RANBP2: variants seen among roughly 807,000 people sequenced by gnomAD.
The protein encoded by RANBP2 is RAN binding protein 2.
In RANBP2, 57 loss-of-function variants were observed where a neutral mutation model predicts 303.6. The ratio of observed to expected loss-of-function variants is 0.19; its 90% CI spans 0.15 to 0.23. The LOEUF (loss-of-function observed/expected upper bound fraction) is 0.23. Among genes scored for constraint, RANBP2 ranks in the 10% least tolerant of loss-of-function variants. The pLI is 1.00. For missense variants in RANBP2, 3,138 were observed against 3,780.8 expected, an observed-to-expected ratio of 0.83 and a Z score of 4.46; for synonymous variants, 1,167 against 1,301.5, an observed-to-expected ratio of 0.90 and a Z score of 2.23.
At chr2:108,994,684 G>A in the RANBP2 span, among the ~76,000 whole-genome samples, 4 of 151,928 alleles carry the variant, frequency 2.6e-5, no homozygotes, top group South Asian at 8.3e-4. Context: ...TGGCTCCGGG[G>A]AAAGGGGATT....
chr2:109,450,721 G>A, the RANBP2 span, among the ~76,000 whole-genome samples: 1 of 152,090 alleles, frequency 6.6e-6, no homozygotes, highest in South Asian at 2.1e-4. Flanking sequence ...AATTCTCCAG[G>A]GCTCAGGGCC....
chr2:108,973,811 C>A, the RANBP2 span, among the ~76,000 whole-genome samples: 1 of 152,222 alleles, frequency 6.6e-6, no homozygotes, highest in Non-Finnish European at 1.5e-5. Flanking sequence ...GGCCCTTCAA[C>A]TTTTGAATGC....
At chr2:108,911,186 AC>A in the RANBP2 span, 1 of 1,328,488 alleles carries the variant, frequency 7.5e-7, no homozygotes, top group Non-Finnish European at 1.1e-6. Context: ...CTTTCAGGGA[AC>A]CCTGAAATCT....
At chr2:109,064,478 C>CAA in the RANBP2 span, among the ~76,000 whole-genome samples, 1 of 83,726 alleles carries the variant, frequency 1.2e-5, no homozygotes, top group African/African-American at 4.1e-5. Flanking sequence ...AAAACAAAAA[C>CAA]AAACTGGTAA....
At chr2:109,300,571 G>A in the RANBP2 span, among the ~76,000 whole-genome samples, 1 of 152,194 alleles carries the variant, frequency 6.6e-6, no homozygotes, top group Non-Finnish European at 1.5e-5. Flanking sequence ...TTCCATAGGG[G>A]ATGGTTAGGG....
chr2:109,006,621 T>C, the RANBP2 span, among the ~76,000 whole-genome samples: 1 of 152,146 alleles, frequency 6.6e-6, no homozygotes, highest in South Asian at 2.1e-4. Context: ...GGGTTCTGCT[T>C]TTGGCCTAGC....
At chr2:109,227,467 A>G in the RANBP2 span, among the ~76,000 whole-genome samples, 1 of 152,172 alleles carries the variant, frequency 6.6e-6, no homozygotes, top group Non-Finnish European at 1.5e-5. Context: ...TGGAGTTATG[A>G]GGATGGTGAC....
the RANBP2 span, among the ~76,000 whole-genome samples, chr2:109,584,000 A>G: frequency 6.6e-6 from 1 of 152,184 alleles, no homozygotes; most frequent in Non-Finnish European, 1.5e-5. Context: ...AGTGGGAAGG[A>G]AGATACCCGG....
chr2:109,139,833 T>A, the RANBP2 span, among the ~76,000 whole-genome samples: 1 of 152,210 alleles, frequency 6.6e-6, no homozygotes, highest in Non-Finnish European at 1.5e-5. Context: ...CAAAGACCAA[T>A]GTGTCCATTG....
downstream of RANBP2, among the ~76,000 whole-genome samples, chr2:108,790,497 T>C (rs1282230408): frequency 6.6e-6 from 1 of 152,138 alleles, no homozygotes; most frequent in Non-Finnish European, 1.5e-5. Flanking sequence ...AATTGAGATA[T>C]GCTGTAAGTG....
At chr2:109,613,856 C>A in the RANBP2 span, 2 of 1,233,678 alleles carry the variant, frequency 1.6e-6, no homozygotes, top group Non-Finnish European at 2.0e-6. Flanking sequence ...GGTGAAGCGG[C>A]TGTATCAGCC....
At chr2:109,189,325 A>G in the RANBP2 span, among the ~76,000 whole-genome samples, 1 of 149,972 alleles carries the variant, frequency 6.7e-6, no homozygotes, top group Non-Finnish European at 1.5e-5. Context: ...CCCACCATCT[A>G]CCAGGCAGAC....
the RANBP2 span, among the ~76,000 whole-genome samples, chr2:109,142,763 C>G: frequency 6.6e-6 from 1 of 152,128 alleles, no homozygotes; most frequent in Non-Finnish European, 1.5e-5. Context: ...GCCAAAGCAT[C>G]GAGGATTGTT....
At chr2:109,289,992 C>T in the RANBP2 span, among the ~76,000 whole-genome samples, 1 of 152,154 alleles carries the variant, frequency 6.6e-6, no homozygotes, top group Admixed American at 6.5e-5. Context: ...GCAAACAGAC[C>T]ACTGGGGGGA....
the RANBP2 span, among the ~76,000 whole-genome samples, chr2:109,357,103 T>G: frequency 8.0e-5 from 12 of 150,930 alleles, no homozygotes; most frequent in African/African-American, 2.7e-4. Context: ...TTAATACTTA[T>G]ACATAACATA....
At chr2:109,552,790 G>C in the RANBP2 span, 1 of 266,582 alleles carries the variant, frequency 3.8e-6, no homozygotes, top group Non-Finnish European at 7.0e-6. Flanking sequence ...TGGATTTCAT[G>C]AAAGAAAAAT....
the RANBP2 span, among the ~76,000 whole-genome samples, chr2:109,142,713 G>A: frequency 6.6e-6 from 1 of 152,164 alleles, no homozygotes; most frequent in Non-Finnish European, 1.5e-5. Flanking sequence ...TGTCGGGCCT[G>A]GGTTTATTTT....
the RANBP2 span, chr2:108,929,186 G>A: frequency 6.2e-7 from 1 of 1,613,748 alleles, no homozygotes; most frequent in Non-Finnish European, 8.5e-7. Flanking sequence ...TGCCAGGAGG[G>A]CCTGTGCTTA....
the RANBP2 span, among the ~76,000 whole-genome samples, chr2:109,381,236 C>T: frequency 2.6e-5 from 4 of 152,232 alleles, no homozygotes; most frequent in African/African-American, 7.2e-5. Context: ...GCTGCTGGAG[C>T]GTCTGGCCTG....
Sources: gnomAD v4.1 joint callset for allele counts (sites outside exome capture counted in the v4.1 genomes callset) on GRCh38, gnomAD v4.1.1 for gene constraint, MANE v1.5 for transcripts, NCBI Gene and HGNC (gene_info 2026-07-23, HGNC 2026-07-21) for gene names.